Variants in PRKAB2 observed in about 807,000 individuals in gnomAD.
The protein encoded by PRKAB2 is protein kinase AMP-activated non-catalytic subunit beta 2, also known as 5'-AMP-activated protein kinase subunit beta-2.
Under a neutral mutation model 29.8 loss-of-function variants are expected in PRKAB2, and 18 were observed. The observed-to-expected ratio is 0.60, with a 90% CI of 0.42 to 0.89. PRKAB2 has a LOEUF of 0.89. Among genes scored for constraint, PRKAB2 ranks in the 40% least tolerant of loss-of-function variants. The pLI, the probability that PRKAB2 is intolerant of heterozygous loss-of-function variation, is 0.00. For synonymous variants in PRKAB2, 136 were observed against 125.9 expected (o/e 1.08, Z -0.54); for missense variants, 270 against 344.3 (o/e 0.78, Z 1.71).
chr1:147,156,142 T>C lies in PRKAB2; in HGVS notation c.*3423A>G, dbSNP rs587710106. The stretch of plus-strand genomic sequence containing the variant: ...ATCACAATAATGCAGGAATACACTG[T>C]ACATCTGCTATTAAGCCCATGCCCC... On this transcript the variant is annotated 3_prime_UTR_variant, in exon 8 of 8. Coordinates refer to ENST00000254101, the MANE Select transcript of PRKAB2 (RefSeq NM_005399.5). 4 of 152,664 alleles carry C rather than the reference T, an allele frequency of 2.6e-5. No individual in the cohort carries two copies. In the East Asian group the frequency reaches 5.8e-4, roughly 22 times the overall value. The allele number at this position is 152,664 out of a possible 1,614,324, so 9.5% of individuals were successfully genotyped here.
chr1:147,156,366 C>T lies in PRKAB2; in HGVS notation c.*3199G>A, dbSNP rs1261257672. 1 of 152,542 alleles carries T rather than the reference C, an allele frequency of 6.6e-6. No individual in the cohort carries two copies. Among genetic ancestry groups the T allele is most frequent in the Non-Finnish European group, 1.5e-5 (1 of 68,022 alleles). 9.4% of individuals were successfully genotyped at this position (152,542 alleles called of 1,614,324 possible). The stretch of plus-strand genomic sequence containing the variant: ...ATATAAACCCAGTCTAGAGGTATCA[C>T]TTCTTTCCAAACTTAACTTCATTTC... On this transcript the variant is annotated 3_prime_UTR_variant, in exon 8 of 8. Coordinates refer to ENST00000254101, the MANE Select transcript of PRKAB2 (RefSeq NM_005399.5).
intron 5 of PRKAB2, among the ~76,000 whole-genome samples, chr1:147,164,072 T>C (rs1319409971): frequency 1.3e-5 from 2 of 151,924 alleles, no homozygotes; most frequent in Non-Finnish European, 2.9e-5. Context: ...GAGTAGTTGG[T>C]ACTAAAGGCA....
chr1:147,168,075 G>C (rs587759115), intron 2 of PRKAB2, 142 bp from the exon 3 acceptor site: 1 of 902,836 alleles, frequency 1.1e-6, no homozygotes, highest in East Asian at 2.7e-5. Flanking sequence ...ATCAGAGTTT[G>C]AACAAATTAT....
rs758064994 is a variant in PRKAB2, at chr1:147,156,526, C to G, written c.*3039G>C. 1 of 152,132 alleles carries G rather than the reference C, an allele frequency of 6.6e-6. No individual in the cohort carries two copies. Among genetic ancestry groups the G allele is most frequent in the African/African-American group, 2.4e-5 (1 of 41,438 alleles). The allele number at this position is 152,132 out of a possible 1,614,324, so 9.4% of individuals were successfully genotyped here. ...GATCCTCACAAACTTCTCTTGGATT[C>G]TTCTTTTACAAAGTTTCTCTACCAT... On this transcript the variant is annotated 3_prime_UTR_variant, in exon 8 of 8. Transcript: ENST00000254101.
Position 147,172,039 on chromosome 1 carries a change from T to C in PRKAB2, c.106A>G (p.Met36Val), listed in dbSNP as rs782544337. 5 of 1,593,072 alleles carry C rather than the reference T, an allele frequency of 3.1e-6. No homozygotes were observed. Among genetic ancestry groups the C allele is most frequent in the Middle Eastern group, 1.8e-4 (1 of 5,576 alleles). ...CTGGGGTCGTCCGTACTCCCCACCA[T>C]GATCTTGTGCTCCTTCCCCGGGGCA... is the stretch of plus-strand genomic sequence containing the variant. ...GHAPGKEHKI[M>V]VGSTDDPSVF... The change falls in exon 2 of 8, where the codon ATG (methionine) becomes GTG (valine). Residue 36 changes from methionine (M) to valine (V), a missense_variant. Physicochemically the swap from Met to Val is conservative, Grantham distance 21. Transcript: ENST00000254101.
At chr1:147,161,279 G>C (rs1219626810) in intron 7 of PRKAB2, among the ~76,000 whole-genome samples, 1 of 152,140 alleles carries the variant, frequency 6.6e-6, no homozygotes, top group Non-Finnish European at 1.5e-5. Flanking sequence ...GTATAGGAGA[G>C]ATGCAAGCAC....
At chr1:147,163,778 C>T (rs1182335916) in intron 5 of PRKAB2, among the ~76,000 whole-genome samples, 2 of 151,818 alleles carry the variant, frequency 1.3e-5, no homozygotes, top group Non-Finnish European at 2.9e-5. Context: ...GTGATAATCA[C>T]ATAACTCTGA....
At position 147,167,795 on chromosome 1, in the gene PRKAB2, A is replaced by C; in HGVS notation, c.295T>G (p.Trp99Gly). 6.2e-7 allele frequency: 1 copy of C among 1,614,028 alleles called. No homozygotes were observed. The highest frequency in any genetic ancestry group is 8.5e-7 in the Non-Finnish European group (1 of 1,179,944). ...EVFISGSFNN[W>G]STKIPLIKSH... is the part of the protein sequence containing the mutation. ...TTAATCAGTGGAATCTTGGTGCTCC[A>C]ATTGTTGAAGGACCCAGAGATGAAG... Residue 99 changes from tryptophan to glycine, a missense_variant, in exon 3 of 8, where the codon TGG becomes GGG. Physicochemically the swap from Trp to Gly is radical, Grantham distance 184 (BLOSUM62 -2). Coordinates refer to ENST00000254101, the MANE Select transcript of PRKAB2 (RefSeq NM_005399.5).
rs59421868 is a variant in PRKAB2, at chr1:147,156,226, C to CACAT, written c.*3338_*3339insATGT. The CACAT allele has an allele frequency of 6.6e-6, 1 of 152,508 alleles. No individual in the cohort carries two copies. The highest frequency in any genetic ancestry group is 2.4e-5 in the African/African-American group (1 of 41,370). The allele number at this position is 152,508 out of a possible 1,614,324, so 9.4% of individuals were successfully genotyped here. A position where few individuals can be genotyped will look rare whatever the true frequency, so the allele number is the denominator to read the frequency against. The stretch of plus-strand genomic sequence containing the variant: ...GAGAACACAATGTATTTCAAACACA[C>CACAT]ACAGAGACTATTGCATATCATTTTT... On this transcript the variant is annotated 3_prime_UTR_variant, in exon 8 of 8. Coordinates refer to ENST00000254101, the MANE Select transcript of PRKAB2 (RefSeq NM_005399.5).
In PRKAB2 at chr1:147,166,886, T is replaced by G. The variant is rs781818815; in HGVS notation, c.377A>C (p.Lys126Thr). ...AACCCACTGTCCATCCACAAAGAACTTGTATTGGTGCTCTCCCTCAGGGAG... is the reference window on the plus strand; with the variant it reads ...AACCCACTGTCCATCCACAAAGAACGTGTATTGGTGCTCTCCCTCAGGGAG... ...LDLPEGEHQY[K>T]FFVDGQWVHD... Residue 126 changes from lysine to threonine, a missense_variant, in exon 4 of 8, where the codon AAG (lysine) becomes ACG (threonine). Physicochemically the swap from Lys to Thr is moderately conservative, Grantham distance 78. Around this residue, in one of 2 missense-constraint regions of PRKAB2, gnomAD observed 228 missense variants for 255.5 expected, o/e 0.89. Coordinates refer to ENST00000254101, the MANE Select transcript of PRKAB2 (RefSeq NM_005399.5). 1 of 1,614,092 alleles carries G rather than the reference T, an allele frequency of 6.2e-7. No homozygotes were observed. The highest frequency in any genetic ancestry group is 1.3e-5 in the African/African-American group (1 of 75,022).
Position 147,157,979 on chromosome 1 carries a change from T to A in PRKAB2, c.*1586A>T, listed in dbSNP as rs1206783619. On this transcript the variant is annotated 3_prime_UTR_variant, in exon 8 of 8. Transcript: ENST00000254101. Reference sequence around the variant, plus strand: ...AGACAACTGTGTTATCAGCTTTGCATGGGAAAGACAGGAGGTAGCTAAACT... The same window carrying A: ...AGACAACTGTGTTATCAGCTTTGCAAGGGAAAGACAGGAGGTAGCTAAACT... 6.6e-6 allele frequency: 1 copy of A among 152,144 alleles called. No homozygotes were observed. Among genetic ancestry groups the A allele is most frequent in the African/African-American group, 2.4e-5 (1 of 41,410 alleles). 9.4% of individuals were successfully genotyped at this position (152,144 alleles called of 1,614,324 possible). A position where few individuals can be genotyped will look rare whatever the true frequency, so the allele number is the denominator to read the frequency against.
At chr1:147,167,674 T>C (rs1654317540) in intron 3 of PRKAB2, 93 bp downstream of exon 3, 2 of 1,422,142 alleles carry the variant, frequency 1.4e-6, no homozygotes, top group South Asian at 1.4e-5. Context: ...CAGTCCTTAG[T>C]AGGTGGAGAA....
At chr1:147,167,717 A>C in intron 3 of PRKAB2, 50 bp downstream of exon 3, 1 of 1,568,530 alleles carries the variant, frequency 6.4e-7, no homozygotes, top group Non-Finnish European at 8.6e-7. Flanking sequence ...TGAGAAAAGA[A>C]ATCAGGTCTC....
chr1:147,170,139 G>A (rs1277479239), intron 2 of PRKAB2, among the ~76,000 whole-genome samples: 5 of 152,144 alleles, frequency 3.3e-5, no homozygotes, highest in African/African-American at 1.2e-4. Flanking sequence ...ACAGTTTGAT[G>A]TTTAAGTAAA....
chr1:147,171,870 T>C, intron 2 of PRKAB2, 119 bp downstream of exon 2: 1 of 1,333,990 alleles, frequency 7.5e-7, no homozygotes, highest in Non-Finnish European at 1.0e-6. Flanking sequence ...GATAAATCCC[T>C]TTAATTCAAA....
At chr1:147,171,822 C>T (rs1553914434) in intron 2 of PRKAB2, among the ~76,000 whole-genome samples, 167 bp downstream of exon 2, 1 of 152,232 alleles carries the variant, frequency 6.6e-6, no homozygotes, top group South Asian at 2.1e-4. Context: ...TTTGAGGCGG[C>T]ACTTCAAGAG....
chr1:147,171,949 G>A (rs1476530193), intron 2 of PRKAB2, 40 bp downstream of exon 2: 1 of 1,579,840 alleles, frequency 6.3e-7, no homozygotes, highest in South Asian at 1.2e-5. Flanking sequence ...AAATCAACCC[G>A]CTGCAGTACT....
At chr1:147,162,653 G>A (rs1439784827) in intron 5 of PRKAB2, 80 bp from the exon 6 acceptor site, 20 of 1,366,602 alleles carry the variant, frequency 1.5e-5, no homozygotes, top group South Asian at 2.8e-5. Context: ...ATACATGGCA[G>A]CTAACATTAA....
chr1:147,165,172 CCTG>C (rs1248411160), intron 5 of PRKAB2, among the ~76,000 whole-genome samples: 1 of 152,096 alleles, frequency 6.6e-6, no homozygotes, highest in Non-Finnish European at 1.5e-5. Flanking sequence ...ACTACAGGCG[CCTG>C]CCACCACACC....
Sources: gnomAD v4.1 joint callset for allele counts (sites outside exome capture counted in the v4.1 genomes callset) on GRCh38, gnomAD v4.1.1 for gene constraint, gnomAD v4.1.1 regional missense constraint, MANE v1.5 for transcripts, NCBI Gene and HGNC (gene_info 2026-07-23, HGNC 2026-07-21) for gene names.